The following NSMCE1 variants were observed in gnomAD, a reference collection of about 807,000 sequenced individuals.
NSMCE1 encodes the protein NSE1 component of SMC5/6 complex.
A neutral mutation model predicts 29.6 loss-of-function variants in NSMCE1; 18 were observed. That is an observed-to-expected ratio of 0.61 (90% CI 0.42 to 0.90). The LOEUF (loss-of-function observed/expected upper bound fraction) is 0.90, where lower values mean the gene tolerates loss of function less well. Among genes scored for constraint, NSMCE1 ranks in the 40% least tolerant of loss-of-function variants. The pLI, the probability that NSMCE1 is intolerant of heterozygous loss-of-function variation, is 0.00. For synonymous variants in NSMCE1, 124 were observed against 133.4 expected, an observed-to-expected ratio of 0.93 and a Z score of 0.49; for missense variants, 314 against 343.6, an observed-to-expected ratio of 0.91 and a Z score of 0.68.
intron 5 of NSMCE1, among the ~76,000 whole-genome samples, chr16:27,227,793 T>C (rs557825566): frequency 5.0e-4 from 70 of 140,172 alleles, no homozygotes; most frequent in African/African-American, 1.7e-3. Flanking sequence ...CTTTTTTTTT[T>C]TTTTTTTTTG....
intron 1 of NSMCE1, among the ~76,000 whole-genome samples, chr16:27,260,858 C>CCAAAAAAAAA (rs2084148192): frequency 1.1e-5 from 1 of 87,968 alleles, no homozygotes; most frequent in African/African-American, 4.2e-5. Flanking sequence ...GACCCTGTCT[C>CCAAAAAAAAA]AAAAAAAAAA....
intron 2 of NSMCE1, among the ~76,000 whole-genome samples, chr16:27,255,776 C>T (rs1230895565): frequency 6.6e-6 from 1 of 152,254 alleles, no homozygotes; most frequent in East Asian, 1.9e-4. Context: ...CTGCTCACCT[C>T]TCTGGGATCA....
chr16:27,236,704 T>TG (rs2083829638), intron 2 of NSMCE1, among the ~76,000 whole-genome samples: 1 of 152,078 alleles, frequency 6.6e-6, no homozygotes, highest in Non-Finnish European at 1.5e-5. Context: ...AAAATCATTC[T>TG]GGAAAAAAAA....
At chr16:27,263,630 C>T (rs562455375) in intron 1 of NSMCE1, among the ~76,000 whole-genome samples, 3 of 152,118 alleles carry the variant, frequency 2.0e-5, no homozygotes, top group Non-Finnish European at 4.4e-5. Flanking sequence ...AAAAGCTGTA[C>T]AACAAACCCC....
intron 2 of NSMCE1, among the ~76,000 whole-genome samples, chr16:27,236,732 C>T (rs890764233): frequency 6.6e-6 from 1 of 152,056 alleles, no homozygotes; most frequent in Non-Finnish European, 1.5e-5. Context: ...AAAAAATGGA[C>T]AATATGATAC....
chr16:27,260,147 A>G (rs1310697802), intron 1 of NSMCE1, among the ~76,000 whole-genome samples: 3 of 152,250 alleles, frequency 2.0e-5, no homozygotes, highest in Non-Finnish European at 4.4e-5. Flanking sequence ...AGTAAAAATC[A>G]GAAGAAATGC....
intron 6 of NSMCE1, 112 bp downstream of exon 6, chr16:27,226,608 G>A (rs1334335921): frequency 1.2e-5 from 8 of 681,642 alleles, no homozygotes; most frequent in Admixed American, 2.5e-5. Context: ...GGGAGGATGC[G>A]CCAGCAGTGC....
intron 4 of NSMCE1, chr16:27,233,910 G>C: frequency 2.6e-6 from 1 of 384,864 alleles, no homozygotes; most frequent in Non-Finnish European, 4.7e-6. Flanking sequence ...AGGCAGGAAC[G>C]CCTGTTACTA....
intron 7 of NSMCE1, 88 bp downstream of exon 7, chr16:27,225,638 A>C (rs947762889): frequency 1.4e-5 from 21 of 1,523,714 alleles, no homozygotes; most frequent in African/African-American, 2.7e-5. Flanking sequence ...GGAGCCCTTC[A>C]GGGCCCTGTC....
chr16:27,256,442 C>T (rs1180901582), intron 2 of NSMCE1, among the ~76,000 whole-genome samples: 2 of 152,288 alleles, frequency 1.3e-5, no homozygotes, highest in African/African-American at 4.8e-5. Flanking sequence ...AAGTGTCCTG[C>T]GTCTTCTTCT....
chr16:27,257,277 G>T, intron 2 of NSMCE1, 158 bp downstream of exon 2: 1 of 539,362 alleles, frequency 1.9e-6, no homozygotes, highest in Non-Finnish European at 3.1e-6. Context: ...AAAAGTGGAA[G>T]ATGAAATTAG....
At position 27,247,933 on chromosome 16, in the gene NSMCE1, A is replaced by C. The variant is rs1022716036; in HGVS notation, c.136+9502T>G. Among the ~76,000 whole-genome samples the C allele has an allele frequency of 6.6e-4, 100 of 152,114 alleles. 1 individual carries two copies. Among genetic ancestry groups the C allele is most frequent in the African/African-American group, 2.1e-3 (88 of 41,514 alleles). The stretch of plus-strand genomic sequence containing the variant: ...CAGAGCAAGACTCTGTCTCAAAAAA[A>C]AAAAAACAAAAAACAAAACAAAACA... On this transcript the variant is annotated intron_variant, in intron 2 of 7. Transcript: ENST00000361439.
intron 6 of NSMCE1, 146 bp downstream of exon 6, chr16:27,226,574 G>GAGATGGCCTCC (rs888974387): frequency 3.3e-6 from 2 of 606,644 alleles, no homozygotes; most frequent in Non-Finnish European, 5.9e-6. Context: ...CACGTCCTGG[G>GAGATGGCCTCC]AGATGGCCTC....
chr16:27,231,883 C>CCA (rs762970076), intron 5 of NSMCE1, among the ~76,000 whole-genome samples: 41 of 152,172 alleles, frequency 2.7e-4, no homozygotes, highest in Non-Finnish European at 8.8e-5. Context: ...AGCTATGGAG[C>CCA]CACTGCAGGG....
At chr16:27,228,146 A>T (rs1462598653) in intron 5 of NSMCE1, among the ~76,000 whole-genome samples, 2 of 152,052 alleles carry the variant, frequency 1.3e-5, no homozygotes, top group East Asian at 3.9e-4. Flanking sequence ...CCACAGTGCA[A>T]TGTGGAGGGG....
chr16:27,228,999 A>G (rs2083735568), intron 5 of NSMCE1, among the ~76,000 whole-genome samples: 2 of 151,974 alleles, frequency 1.3e-5, no homozygotes, highest in African/African-American at 4.8e-5. Flanking sequence ...CGCACTCGCT[A>G]CCGAACAAGC....
At chr16:27,231,303 G>A (rs771996923) in intron 5 of NSMCE1, among the ~76,000 whole-genome samples, 3 of 152,196 alleles carry the variant, frequency 2.0e-5, no homozygotes, top group Non-Finnish European at 2.9e-5. Context: ...TTCTGCAATG[G>A]GGACCAGCCA....
chr16:27,237,671 G>A (rs949267424), intron 2 of NSMCE1, among the ~76,000 whole-genome samples: 4 of 152,164 alleles, frequency 2.6e-5, no homozygotes, highest in African/African-American at 9.7e-5. Context: ...CCACTAACGA[G>A]GCCCCTCCTG....
intron 6 of NSMCE1, 157 bp from the exon 7 acceptor site, chr16:27,226,003 G>A: frequency 2.5e-6 from 2 of 798,618 alleles, no homozygotes; most frequent in East Asian, 5.6e-5. Context: ...CCTTAGTGCA[G>A]TGGAGTCTTT....
Sources: gnomAD v4.1 joint callset for allele counts (sites outside exome capture counted in the v4.1 genomes callset) on GRCh38, gnomAD v4.1.1 for gene constraint, MANE v1.5 for transcripts, NCBI Gene and HGNC (gene_info 2026-07-23, HGNC 2026-07-21) for gene names.